The following ZNF385D variants were observed in gnomAD, a reference collection of about 807,000 sequenced individuals.
ZNF385D encodes the protein zinc finger protein 659.
ZNF385D carries 15 observed loss-of-function variants against 35.8 expected under a neutral mutation model. The observed-to-expected ratio is 0.42, with a 90% CI of 0.28 to 0.64. The LOEUF (loss-of-function observed/expected upper bound fraction) is 0.64, where lower values mean the gene tolerates loss of function less well. Among genes scored for constraint, ZNF385D ranks in the 30% least tolerant of loss-of-function variants. The pLI is 0.23. For missense variants in ZNF385D, 474 were observed against 494.6 expected (o/e 0.96, Z 0.39); for synonymous variants, 212 against 186.8 (o/e 1.13, Z -1.10).
At chr3:21,898,493 T>G (rs549230958) in intron 3 of ZNF385D, among the ~76,000 whole-genome samples, 7 of 152,246 alleles carry the variant, frequency 4.6e-5, no homozygotes, top group Non-Finnish European at 8.8e-5. Flanking sequence ...TCTGTATTGT[T>G]TCATATTATT....
chr3:21,603,480 A>G (rs2064379650), intron 2 of ZNF385D, among the ~76,000 whole-genome samples: 1 of 152,232 alleles, frequency 6.6e-6, no homozygotes, highest in African/African-American at 2.4e-5. Context: ...GTATCCATCT[A>G]TAGATATTGG....
rs555977262 is a variant in ZNF385D, at chr3:22,230,476, G to A, written c.107-61441C>T. Among the ~76,000 whole-genome samples the A allele has an allele frequency of 3.9e-5, 6 of 152,202 alleles. No individual in the cohort carries two copies. The South Asian group carries it at 1.2e-3, about 32-fold the overall frequency. ...CCCGATTCTGAGGGGGATTCCATCT[G>A]TTCTTTAATGAAGGATTCCACTCCA... is the stretch of plus-strand genomic sequence containing the variant. On this transcript the variant is annotated intron_variant, in intron 2 of 5. Transcript: ENST00000494108.
chr3:22,351,875 C>G (rs961881418), intron 2 of ZNF385D, among the ~76,000 whole-genome samples: 2 of 152,086 alleles, frequency 1.3e-5, no homozygotes, highest in Admixed American at 6.6e-5. Flanking sequence ...TAGTTTTCCT[C>G]CCAAATATAG....
intron 3 of ZNF385D, among the ~76,000 whole-genome samples, chr3:22,032,410 G>T (rs771402649): frequency 6.6e-6 from 1 of 152,100 alleles, no homozygotes; most frequent in Admixed American, 6.6e-5. Flanking sequence ...ACAAACTATC[G>T]GATCTCATGA....
chr3:21,693,604 C>T (rs944756273), intron 1 of ZNF385D, among the ~76,000 whole-genome samples: 4 of 152,034 alleles, frequency 2.6e-5, no homozygotes, highest in African/African-American at 9.7e-5. Context: ...AGATGGGATA[C>T]CAAGAGGAAT....
In ZNF385D at chr3:21,485,491, C is replaced by T. The variant is rs563337615; in HGVS notation, c.439+25370G>A. On this transcript the variant is annotated intron_variant, in intron 4 of 7. Coordinates refer to ENST00000281523, the MANE Select transcript of ZNF385D (RefSeq NM_024697.3). The stretch of plus-strand genomic sequence containing the variant: ...CTGGCACATCAAGGGACCTGGAATG[C>T]CTTGGCACTCTTTTCTGCTATACCA... Among the ~76,000 whole-genome samples, 178 of 152,178 alleles carry T rather than the reference C, an allele frequency of 1.2e-3. 1 individual carries two copies. The highest frequency in any genetic ancestry group is 4.1e-3 in the African/African-American group (170 of 41,534).
Position 22,289,618 on chromosome 3 carries a change from G to T in ZNF385D, c.106+82832C>A, listed in dbSNP as rs371666250. On this transcript the variant is annotated intron_variant, in intron 2 of 5. Transcript: ENST00000494108. ...CCCATCTATGCACTGATTATAGGAG[G>T]TTTAGGCCTTGGGAATGCCGGTGTG... is the stretch of plus-strand genomic sequence containing the variant. Among the ~76,000 whole-genome samples, 7 of 152,266 alleles carry T rather than the reference G, an allele frequency of 4.6e-5. No homozygotes were observed. The East Asian group carries it at 7.7e-4, about 17-fold the overall frequency.
intron 3 of ZNF385D, among the ~76,000 whole-genome samples, chr3:21,931,814 TTAAG>T (rs1701021870): frequency 1.3e-5 from 2 of 152,180 alleles, no homozygotes; most frequent in Non-Finnish European, 2.9e-5. Context: ...GATTGTACAC[TTAAG>T]TGAGTCAGTT....
At chr3:21,485,592 T>G (rs983435409) in intron 4 of ZNF385D, among the ~76,000 whole-genome samples, 11 of 152,102 alleles carry the variant, frequency 7.2e-5, no homozygotes, top group Admixed American at 3.3e-4. Context: ...CTTTGATTCC[T>G]CCTTTCACCA....
At chr3:21,989,120 C>A (rs6802253) in intron 3 of ZNF385D, among the ~76,000 whole-genome samples, 6 of 152,120 alleles carry the variant, frequency 3.9e-5, no homozygotes, top group Non-Finnish European at 1.5e-5. Context: ...TCTTCTGCGT[C>A]GCTCACGCTG....
At chr3:22,015,566 C>T (rs533595710) in intron 3 of ZNF385D, among the ~76,000 whole-genome samples, 1 of 152,180 alleles carries the variant, frequency 6.6e-6, no homozygotes, top group South Asian at 2.1e-4. Flanking sequence ...AGTCTGGCAC[C>T]CTTGTACCCA....
In ZNF385D at chr3:22,131,334, C is replaced by A. The variant is rs943684970; in HGVS notation, c.325+37483G>T. Among the ~76,000 whole-genome samples the A allele has an allele frequency of 6.6e-5, 10 of 151,256 alleles. 1 individual carries two copies. In the South Asian group the frequency reaches 1.5e-3, roughly 22 times the overall value. Reference sequence around the variant, plus strand: ...CCTTAAAAAGAAGAGTTTCAGTGAACAGGTAAAGGAAGCAATGCCTATTTG... The same window carrying A: ...CCTTAAAAAGAAGAGTTTCAGTGAAAAGGTAAAGGAAGCAATGCCTATTTG... On this transcript the variant is annotated intron_variant, in intron 3 of 5. Transcript: ENST00000494108.
At chr3:22,370,554 C>T (rs1696856641) in intron 2 of ZNF385D, among the ~76,000 whole-genome samples, 2 of 152,160 alleles carry the variant, frequency 1.3e-5, no homozygotes, top group African/African-American at 4.8e-5. Flanking sequence ...ATGAATTTTT[C>T]ATGGAATTAA....
At chr3:21,869,009 G>GA (rs1697541143) in intron 3 of ZNF385D, among the ~76,000 whole-genome samples, 1 of 151,944 alleles carries the variant, frequency 6.6e-6, no homozygotes, top group South Asian at 2.1e-4. Flanking sequence ...AGGAATTACG[G>GA]AAAAAACAAC....
At chr3:21,933,784 A>C (rs1384075853) in intron 3 of ZNF385D, among the ~76,000 whole-genome samples, 1 of 152,182 alleles carries the variant, frequency 6.6e-6, no homozygotes, top group Non-Finnish European at 1.5e-5. Flanking sequence ...TGAAAACAAC[A>C]AAATCTAAAC....
At chr3:21,433,373 A>G (rs1033145307) in intron 5 of ZNF385D, among the ~76,000 whole-genome samples, 1 of 152,196 alleles carries the variant, frequency 6.6e-6, no homozygotes, top group Admixed American at 6.6e-5. Flanking sequence ...CTAAAGGGGA[A>G]AAACAAGAAA....
intron 3 of ZNF385D, among the ~76,000 whole-genome samples, chr3:21,524,030 G>T (rs1708071825): frequency 1.3e-5 from 2 of 152,156 alleles, no homozygotes; most frequent in Non-Finnish European, 2.9e-5. Context: ...TTTGAGGGGT[G>T]GTCTCAAAGA....
intron 1 of ZNF385D, among the ~76,000 whole-genome samples, chr3:21,744,512 G>C (rs995832870): frequency 6.6e-6 from 1 of 152,168 alleles, no homozygotes; most frequent in African/African-American, 2.4e-5. Flanking sequence ...AACATTTTCA[G>C]CTACTTGTGC....
chr3:21,935,648 A>C (rs1701222363), intron 3 of ZNF385D, among the ~76,000 whole-genome samples: 1 of 152,094 alleles, frequency 6.6e-6, no homozygotes, highest in Non-Finnish European at 1.5e-5. Flanking sequence ...GTCTGTTTAG[A>C]AGTGACCTTT....
Sources: gnomAD v4.1 joint callset for allele counts (sites outside exome capture counted in the v4.1 genomes callset) on GRCh38, gnomAD v4.1.1 for gene constraint, MANE v1.5 for transcripts, NCBI Gene and HGNC (gene_info 2026-07-23, HGNC 2026-07-21) for gene names.